Variants in CPQ observed in about 807,000 individuals in gnomAD.
CPQ encodes the protein Ser-Met dipeptidase.
Under a neutral mutation model 45.7 loss-of-function variants are expected in CPQ, and 37 were observed. That is an observed-to-expected ratio of 0.81 (90% CI 0.62 to 1.07). The LOEUF (loss-of-function observed/expected upper bound fraction) is 1.07. Ranked by LOEUF, CPQ falls within the 50% of genes least tolerant of loss-of-function variation. CPQ has a pLI of 0.00. For missense variants in CPQ, 537 were observed against 572.9 expected (o/e 0.94, Z 0.64); for synonymous variants, 186 against 205.8 (o/e 0.90, Z 0.82).
At chr8:96,976,908 A>G (rs1440277178) in intron 5 of CPQ, among the ~76,000 whole-genome samples, 1 of 152,088 alleles carries the variant, frequency 6.6e-6, no homozygotes, top group African/African-American at 2.4e-5. Flanking sequence ...AGAAGATAAA[A>G]TTGGAAAAAG....
chr8:96,811,598 A>C (rs1483114548), intron 2 of CPQ, among the ~76,000 whole-genome samples: 2 of 152,164 alleles, frequency 1.3e-5, no homozygotes, highest in African/African-American at 4.8e-5. Flanking sequence ...GTTTGCATTT[A>C]TGAGGTAGAA....
chr8:97,121,253 G>T (rs1044193500), intron 7 of CPQ, among the ~76,000 whole-genome samples: 1 of 152,192 alleles, frequency 6.6e-6, no homozygotes, highest in Non-Finnish European at 1.5e-5. Context: ...AAACTGGTTT[G>T]GGACTTGTCC....
In CPQ at chr8:96,684,092, T is replaced by C. The variant is rs928292450; in HGVS notation, c.-35+38690T>C. Among the ~76,000 whole-genome samples the C allele has an allele frequency of 2.6e-5, 4 of 152,336 alleles. 1 individual carries two copies. The South Asian group carries it at 8.3e-4, about 32-fold the overall frequency. On this transcript the variant is annotated intron_variant, in intron 1 of 7. Transcript: ENST00000220763. ...GATAATTATTGTGTTTCTTTTGAAG[T>C]GTCATGTTTCTTTGCTTTTTTGTGT... is the stretch of plus-strand genomic sequence containing the variant.
intron 2 of CPQ, among the ~76,000 whole-genome samples, chr8:96,818,102 A>T (rs887236465): frequency 2.0e-5 from 3 of 151,982 alleles, no homozygotes; most frequent in Non-Finnish European, 4.4e-5. Context: ...CTAAGAGGCC[A>T]TCGTAGGTTA....
intron 3 of CPQ, among the ~76,000 whole-genome samples, chr8:96,852,797 G>A (rs1294369829): frequency 3.3e-5 from 5 of 152,014 alleles, no homozygotes; most frequent in Non-Finnish European, 5.9e-5. Context: ...CGTTCCAGGC[G>A]GCCTCTCTGT....
At chr8:96,822,805 C>T (rs866437650) in intron 2 of CPQ, among the ~76,000 whole-genome samples, 10 of 152,094 alleles carry the variant, frequency 6.6e-5, no homozygotes, top group South Asian at 2.1e-4. Context: ...GTCCATAGTT[C>T]GTTAGCATAA....
chr8:96,788,218 G>A (rs1810800238), intron 2 of CPQ, among the ~76,000 whole-genome samples: 1 of 150,774 alleles, frequency 6.6e-6, no homozygotes, highest in Non-Finnish European at 1.5e-5. Flanking sequence ...GAGTGCAATG[G>A]CACAATCTCA....
intron 1 of CPQ, among the ~76,000 whole-genome samples, chr8:96,757,953 G>A (rs1367498319): frequency 6.6e-6 from 1 of 152,122 alleles, no homozygotes; most frequent in Non-Finnish European, 1.5e-5. Flanking sequence ...ATTTTGCCCA[G>A]ATTTAAACTA....
At chr8:96,902,743 C>T (rs531733445) in intron 4 of CPQ, among the ~76,000 whole-genome samples, 38 of 152,252 alleles carry the variant, frequency 2.5e-4, no homozygotes, top group African/African-American at 8.4e-4. Context: ...CCATGGGGCA[C>T]GCAATGTGGC....
At chr8:96,991,571 A>G (rs957774272) in intron 5 of CPQ, among the ~76,000 whole-genome samples, 1 of 105,724 alleles carries the variant, frequency 9.5e-6, no homozygotes, top group African/African-American at 3.6e-5. Context: ...TAATAATAAT[A>G]ATAATAATAA....
chr8:96,781,800 A>G (rs745676243), intron 1 of CPQ, among the ~76,000 whole-genome samples: 5 of 152,232 alleles, frequency 3.3e-5, no homozygotes, highest in Admixed American at 6.5e-5. Flanking sequence ...CTATTTCCAC[A>G]ATACAATGGT....
chr8:96,991,450 A>C (rs1297501900), intron 5 of CPQ, among the ~76,000 whole-genome samples: 1 of 151,798 alleles, frequency 6.6e-6, no homozygotes, highest in African/African-American at 2.4e-5. Flanking sequence ...TGGCTACTCT[A>C]GAGGCTGAGG....
At chr8:97,122,347 T>C (rs1321331498) in intron 7 of CPQ, among the ~76,000 whole-genome samples, 2 of 151,826 alleles carry the variant, frequency 1.3e-5, no homozygotes, top group African/African-American at 2.4e-5. Context: ...TTTGAGAAAA[T>C]GCAATGTCTT....
chr8:96,695,974 A>G (rs1809374877), intron 1 of CPQ, among the ~76,000 whole-genome samples: 1 of 149,928 alleles, frequency 6.7e-6, no homozygotes, highest in African/African-American at 2.5e-5. Flanking sequence ...TCATGCTGCT[A>G]TAAAGACACA....
At chr8:96,712,436 C>T (rs1180780392) in intron 1 of CPQ, among the ~76,000 whole-genome samples, 1 of 152,156 alleles carries the variant, frequency 6.6e-6, no homozygotes, top group African/African-American at 2.4e-5. Flanking sequence ...TCCATGAGGG[C>T]TCCATTCAAG....
intron 1 of CPQ, among the ~76,000 whole-genome samples, chr8:96,692,179 A>AG (rs1809313398): frequency 1.3e-5 from 2 of 152,208 alleles, no homozygotes; most frequent in Admixed American, 6.5e-5. Context: ...AGTGTACCTA[A>AG]GACAAGCTTG....
At chr8:96,873,155 AT>A (rs1812100079) in intron 3 of CPQ, among the ~76,000 whole-genome samples, 1 of 151,884 alleles carries the variant, frequency 6.6e-6, no homozygotes, top group African/African-American at 2.4e-5. Context: ...TATTAAACAT[AT>A]CGGTTGAGTT....
chr8:96,660,719 T>C (rs1563694696), intron 1 of CPQ, among the ~76,000 whole-genome samples: 1 of 152,040 alleles, frequency 6.6e-6, no homozygotes, highest in African/African-American at 2.4e-5. Flanking sequence ...ACATTATTGG[T>C]GAACATACTA....
intron 7 of CPQ, among the ~76,000 whole-genome samples, chr8:97,097,539 C>T (rs1811229231): frequency 6.6e-6 from 1 of 152,164 alleles, no homozygotes; most frequent in South Asian, 2.1e-4. Context: ...ATAACCAACA[C>T]AGAATTCAAT....
Sources: gnomAD v4.1 joint callset for allele counts (sites outside exome capture counted in the v4.1 genomes callset) on GRCh38, gnomAD v4.1.1 for gene constraint, MANE v1.5 for transcripts, NCBI Gene and HGNC (gene_info 2026-07-23, HGNC 2026-07-21) for gene names.